Variants in PODXL observed in about 807,000 individuals in gnomAD.
PODXL encodes the protein podocalyxin like, also known as podocalyxin.
Under a neutral mutation model 48.9 loss-of-function variants are expected in PODXL, and 20 were observed. The observed-to-expected ratio is 0.41, with a 90% CI of 0.29 to 0.59. PODXL has a LOEUF of 0.59. Among genes scored for constraint, PODXL ranks in the 20% least tolerant of loss-of-function variants. The probability of loss-of-function intolerance (pLI) is 0.31; values close to 1 mark genes in which losing one functional copy is unlikely to be tolerated. For synonymous variants in PODXL, 295 were observed against 287.4 expected (o/e 1.03, Z -0.27); for missense variants, 606 against 675.1 (o/e 0.90, Z 1.13).
Position 131,511,438 on chromosome 7 carries a change from T to C in PODXL, c.101-5A>G. ...AGTCCGTAGTAGTCTGGGTTGCTGT[T>C]TGTAAAGATAACAGAGAATGGAGTT... On this transcript the variant is annotated splice_region_variant and splice_polypyrimidine_tract_variant and intron_variant, in intron 1 of 8. Transcript: ENST00000378555. 1 of 1,599,958 alleles carries C rather than the reference T, an allele frequency of 6.3e-7. No homozygotes were observed. The highest frequency in any genetic ancestry group is 8.5e-7 in the Non-Finnish European group (1 of 1,179,864).
chr7:131,516,268 C>T lies in PODXL; in HGVS notation c.101-4835G>A, dbSNP rs1175264535. Among the ~76,000 whole-genome samples, 12 of 152,340 alleles carry T rather than the reference C, an allele frequency of 7.9e-5. No individual in the cohort carries two copies. The East Asian group carries it at 1.3e-3, about 17-fold the overall frequency. On this transcript the variant is annotated intron_variant, in intron 1 of 8. Coordinates refer to ENST00000378555, the MANE Select transcript of PODXL (RefSeq NM_001018111.3). ...AAGAAATGAAAGTCTTGGCTGGGCA[C>T]GGTGGCTCACGCCTGTAATCCCAGC...
chr7:131,524,561 A>G lies in PODXL; in HGVS notation c.101-13128T>C, dbSNP rs78980984. Among the ~76,000 whole-genome samples, 533 of 152,282 alleles carry G rather than the reference A, an allele frequency of 3.5e-3. 2 individuals carry two copies. Among genetic ancestry groups the G allele is most frequent in the Non-Finnish European group, 5.3e-3 (362 of 68,018 alleles). On this transcript the variant is annotated intron_variant, in intron 1 of 8. Coordinates refer to ENST00000378555, the MANE Select transcript of PODXL (RefSeq NM_001018111.3). ...TAGACAAATTCAAATTCAAGCTCCA[A>G]TGCAGCACCATTACATACCTATTGG...
chr7:131,510,142 T>C (rs1252439479), intron 3 of PODXL, 94 bp downstream of exon 3: 4 of 416,708 alleles, frequency 9.6e-6, no homozygotes, highest in Admixed American at 5.5e-5. Context: ...CATAGGTAGA[T>C]TTTGAAATTG....
rs1798750316 is a variant in PODXL, at chr7:131,556,492, GC to G, written c.-134del. On this transcript the variant is annotated 5_prime_UTR_variant, in exon 1 of 9. Transcript: ENST00000378555. ...TCCGGAGGCCAGGCTGTGGCCCGGG[GC>G]TCCCGAGTCGCGCTGCGGCGGCTCT... The G allele has an allele frequency of 2.7e-6, 3 of 1,098,050 alleles. No individual in the cohort carries two copies. The highest frequency in any genetic ancestry group is 2.3e-6 in the Non-Finnish European group (2 of 863,276). 68.0% of individuals were successfully genotyped at this position (1,098,050 alleles called of 1,614,324 possible). A position where few individuals can be genotyped will look rare whatever the true frequency, so the allele number is the denominator to read the frequency against.
intron 1 of PODXL, among the ~76,000 whole-genome samples, chr7:131,529,316 G>A (rs73722855): frequency 0.064 from 9,692 of 152,124 alleles, 340 homozygotes; most frequent in Middle Eastern, 0.12. Context: ...CAGCTCCCCC[G>A]GGGGCCAGGG....
At chr7:131,552,815 C>A (rs1200075947) in intron 1 of PODXL, among the ~76,000 whole-genome samples, 1 of 152,206 alleles carries the variant, frequency 6.6e-6, no homozygotes, top group Non-Finnish European at 1.5e-5. Context: ...GAGTCAGGGT[C>A]TCCCTCTGTT....
intron 1 of PODXL, among the ~76,000 whole-genome samples, chr7:131,519,753 G>C (rs559050693): frequency 6.6e-6 from 1 of 152,116 alleles, no homozygotes; most frequent in South Asian, 2.1e-4. Flanking sequence ...TTTTGAGACA[G>C]AGTCTCACTC....
In PODXL at chr7:131,506,296, G is replaced by A. The variant is rs142422838; in HGVS notation, c.1275C>T (p.Tyr425=). 7.6e-5 allele frequency: 122 copies of A among 1,614,200 alleles called. 2 individuals are homozygous for A. In the South Asian group the frequency reaches 1.1e-3, roughly 14 times the overall value. Residue 425 remains tyrosine, a synonymous_variant, in exon 7 of 9, where the codon TAC becomes TAT. Coordinates refer to ENST00000378555, the MANE Select transcript of PODXL (RefSeq NM_001018111.3). ...CATCCCATTTGTCCTTCAGCCGCTC[G>A]TACACATCCTTGGCAGGGAGCTTAG... ...IHTKLPAKDV[Y]ERLKDKWDEL...
rs749354852 is a variant in PODXL at position 131,506,048 on chromosome 7, T to G, written c.1312-13A>C. 6.2e-7 allele frequency: 1 copy of G among 1,607,624 alleles called. No homozygotes were observed. Among genetic ancestry groups the G allele is most frequent in the Admixed American group, 1.7e-5 (1 of 59,502 alleles). ...CACTGACCCCTGCCTGCATGGGAAGTGGCAGAGAACAGGCTGGGGGCATCC... is the reference window on the plus strand; with the variant it reads ...CACTGACCCCTGCCTGCATGGGAAGGGGCAGAGAACAGGCTGGGGGCATCC... On this transcript the variant is annotated splice_polypyrimidine_tract_variant and intron_variant, in intron 7 of 8. Transcript: ENST00000378555.
intron 1 of PODXL, among the ~76,000 whole-genome samples, chr7:131,524,382 A>AGAGAGAGAGAGAGAGAGG (rs1798144718): frequency 1.1e-5 from 1 of 90,296 alleles, no homozygotes; most frequent in Non-Finnish European, 1.9e-5. Flanking sequence ...ACACACACAG[A>AGAGAGAGAGAGAGAGAGG]GAGAGAGAGA....
intron 1 of PODXL, among the ~76,000 whole-genome samples, chr7:131,555,074 C>T (rs575513354): frequency 2.0e-5 from 3 of 152,312 alleles, no homozygotes; most frequent in Non-Finnish European, 2.9e-5. Flanking sequence ...TGAGTGCCAG[C>T]GCCTGCCCAC....
chr7:131,510,548 G>T (rs1183175618), intron 2 of PODXL, among the ~76,000 whole-genome samples: 3 of 150,612 alleles, frequency 2.0e-5, no homozygotes, highest in African/African-American at 7.3e-5. Context: ...GTATGAAATA[G>T]AAACTATTCC....
chr7:131,524,408 A>AGAGAGAGAGAGAGAGAGAGAGAGAGAG (rs367857912), intron 1 of PODXL, among the ~76,000 whole-genome samples: 18 of 149,706 alleles, frequency 1.2e-4, no homozygotes, highest in Admixed American at 4.7e-4. Context: ...AGAGAGAGAG[A>AGAGAGAGAGAGAGAGAGAGAGAGAGAG]AAACAACAAG....
At position 131,556,585 on chromosome 7, in the gene PODXL, G is replaced by GGCGGCTGCGTCCTGGGCGGCGTCTGC; in HGVS notation, c.-252_-227dup. On this transcript the variant is annotated 5_prime_UTR_variant, in exon 1 of 9. Transcript: ENST00000378555. ...CCAGTGGCAGAGGAGCGGCGGCGGC[G>GGCGGCTGCGTCCTGGGCGGCGTCTGC]GCGGCTGCGTCCTGGGCGGCGTCTG... 1 of 391,380 alleles carries GGCGGCTGCGTCCTGGGCGGCGTCTGC rather than the reference G, an allele frequency of 2.6e-6. No individual in the cohort carries two copies. The allele number at this position is 391,380 out of a possible 1,614,324, so 24.2% of individuals were successfully genotyped here.
chr7:131,516,727 T>G (rs2116803845), intron 1 of PODXL, among the ~76,000 whole-genome samples: 1 of 76,662 alleles, frequency 1.3e-5, no homozygotes, highest in African/African-American at 4.3e-5. Context: ...CTGTGGTGCT[T>G]TTTTTTCTCT....
intron 1 of PODXL, among the ~76,000 whole-genome samples, chr7:131,539,784 T>TCGGGGCACCCA (rs1471702743): frequency 6.6e-6 from 1 of 152,196 alleles, no homozygotes; most frequent in African/African-American, 2.4e-5. Flanking sequence ...GTGCTGCATG[T>TCGGGGCACCCA]GTCCTGGTAC....
At chr7:131,528,353 G>A (rs962752873) in intron 1 of PODXL, among the ~76,000 whole-genome samples, 3 of 152,168 alleles carry the variant, frequency 2.0e-5, no homozygotes, top group Admixed American at 6.5e-5. Flanking sequence ...AAAAGGAGAA[G>A]GGAGTATTTG....
intron 1 of PODXL, among the ~76,000 whole-genome samples, chr7:131,547,374 CAAAAAA>C (rs10683140): frequency 1.2e-4 from 8 of 68,968 alleles, no homozygotes; most frequent in African/African-American, 3.9e-4. Context: ...AACTCCGTCT[CAAAAAA>C]AAAAAAAAAA....
At chr7:131,517,208 T>C (rs77877479) in intron 1 of PODXL, among the ~76,000 whole-genome samples, 323 of 152,268 alleles carry the variant, frequency 2.1e-3, no homozygotes, top group Middle Eastern at 6.8e-3. Context: ...CCAGGTTCCT[T>C]AGTGTAGAGA....
Sources: allele counts gnomAD v4.1 joint callset (sites outside exome capture counted in the v4.1 genomes callset), GRCh38; gene constraint gnomAD v4.1.1; transcripts MANE v1.5; gene names NCBI Gene and HGNC (gene_info 2026-07-23, HGNC 2026-07-21).